ZNF740: variants seen among roughly 807,000 people sequenced by gnomAD.
ZNF740 encodes oriLyt TD-element-binding protein 7.
A neutral mutation model predicts 24.8 loss-of-function variants in ZNF740; 14 were observed. The observed-to-expected ratio is 0.56, with a 90% CI of 0.37 to 0.88. The LOEUF (loss-of-function observed/expected upper bound fraction) is 0.88. Ranked by LOEUF, ZNF740 falls within the 40% of genes least tolerant of loss-of-function variation. The pLI is 0.00. For synonymous variants in ZNF740, 69 were observed against 84.0 expected, an observed-to-expected ratio of 0.82 and a Z score of 0.98; for missense variants, 201 against 247.9, an observed-to-expected ratio of 0.81 and a Z score of 1.27.
At chr12:53,186,583 T>G in intron 6 of ZNF740, 74 bp downstream of exon 6, 1 of 1,255,484 alleles carries the variant, frequency 8.0e-7, no homozygotes, top group South Asian at 1.3e-5. Flanking sequence ...CCTCCACTCC[T>G]GCCTGACAAA....
At chr12:53,184,144 TGTGTGTGCGC>T (rs1268266381) in intron 2 of ZNF740, among the ~76,000 whole-genome samples, 6 of 105,144 alleles carry the variant, frequency 5.7e-5, no homozygotes, top group South Asian at 5.7e-4. Context: ...TGTGTGTGTG[TGTGTGTGCGC>T]GCGCGCGCTC....
intron 2 of ZNF740, among the ~76,000 whole-genome samples, chr12:53,184,150 T>TGTGTGTGTGTGTGTGTGTGTGTGC (rs59250662): frequency 2.9e-5 from 3 of 104,424 alleles, no homozygotes; most frequent in Non-Finnish European, 4.1e-5. Context: ...TGTGTGTGTG[T>TGTGTGTGTGTGTGTGTGTGTGTGC]GCGCGCGCGC....
Position 53,187,484 on chromosome 12 carries a change from C to G in ZNF740, c.493-17C>G. 1 of 1,611,904 alleles carries G rather than the reference C, an allele frequency of 6.2e-7. No individual in the cohort carries two copies. Among genetic ancestry groups the G allele is most frequent in the Non-Finnish European group, 8.5e-7 (1 of 1,178,200 alleles). On this transcript the variant is annotated splice_polypyrimidine_tract_variant and intron_variant, in intron 6 of 6. Coordinates refer to ENST00000416904, the MANE Select transcript of ZNF740 (RefSeq NM_001004304.4). ...GCGTTTGTCTGCTCAGGCACTTAAC[C>G]CTCCCTTTCTTCTCAGTGTTTTTCT...
chr12:53,193,288 C>T lies in ZNF740; in HGVS notation c.*5698C>T. ...GCCCTGTGCCATTGGGAGCCCGGCA[C>T]CCAGATTCCAGGTCTGGGGAGGACA... On this transcript the variant is annotated 3_prime_UTR_variant, in exon 7 of 7. Transcript: ENST00000416904. 3 of 1,613,008 alleles carry T rather than the reference C, an allele frequency of 1.9e-6. No homozygotes were observed. Among genetic ancestry groups the T allele is most frequent in the Non-Finnish European group, 2.5e-6 (3 of 1,179,170 alleles).
In ZNF740 at chr12:53,190,725, T is replaced by G. The variant is rs927099858; in HGVS notation, c.*3135T>G. On this transcript the variant is annotated 3_prime_UTR_variant, in exon 7 of 7. Coordinates refer to ENST00000416904, the MANE Select transcript of ZNF740 (RefSeq NM_001004304.4). ...TATTTTGCTATGGGGGAGGGGAATA[T>G]CAAATGGACAAGATCACTTTTAAAT... The G allele has an allele frequency of 4.0e-5, 6 of 151,856 alleles. No homozygotes were observed. Among genetic ancestry groups the G allele is most frequent in the African/African-American group, 1.5e-4 (6 of 41,326 alleles). 9.4% of individuals were successfully genotyped at this position (151,856 alleles called of 1,614,324 possible). A position where few individuals can be genotyped will look rare whatever the true frequency, so the allele number is the denominator to read the frequency against.
rs1467256237 is a variant in ZNF740 at position 53,191,426 on chromosome 12, T to C, written c.*3836T>C. On this transcript the variant is annotated 3_prime_UTR_variant, in exon 7 of 7. Transcript: ENST00000416904. ...CTTGGGTGTCACTCTGAAAATGAAG[T>C]AGGGTGGTGGCCGCACCTCGCCAGT... 4.0e-6 allele frequency: 3 copies of C among 747,226 alleles called. No individual in the cohort carries two copies. The Admixed American group carries it at 5.9e-5, about 15-fold the overall frequency. The allele number at this position is 747,226 out of a possible 1,614,324, so 46.3% of individuals were successfully genotyped here. A position where few individuals can be genotyped will look rare whatever the true frequency, so the allele number is the denominator to read the frequency against.
chr12:53,181,929 A>T lies in ZNF740; in HGVS notation c.-55A>T. On this transcript the variant is annotated 5_prime_UTR_variant, in exon 2 of 7. Transcript: ENST00000416904. Reference sequence around the variant, plus strand: ...TCTTCAAAACGACAGTGTCTCAAGGAAAGGTGGACCTAGGAACTCCTGAAC... The same window carrying T: ...TCTTCAAAACGACAGTGTCTCAAGGTAAGGTGGACCTAGGAACTCCTGAAC... The T allele has an allele frequency of 6.3e-7, 1 of 1,591,288 alleles. No individual in the cohort carries two copies. The highest frequency in any genetic ancestry group is 8.6e-7 in the Non-Finnish European group (1 of 1,168,074).
At chr12:53,185,892 G>A in intron 4 of ZNF740, 62 bp from the exon 5 acceptor site, 13 of 1,592,744 alleles carry the variant, frequency 8.2e-6, no homozygotes, top group Non-Finnish European at 1.1e-5. Flanking sequence ...ACCCAGAGTA[G>A]AACAGTGTCT....
In ZNF740 at chr12:53,191,812, T is replaced by C. The variant is rs1941957157; in HGVS notation, c.*4222T>C. The C allele has an allele frequency of 6.2e-7, 1 of 1,609,956 alleles. No homozygotes were observed. Among genetic ancestry groups the C allele is most frequent in the East Asian group, 2.2e-5 (1 of 44,836 alleles). On this transcript the variant is annotated 3_prime_UTR_variant, in exon 7 of 7. Coordinates refer to ENST00000416904, the MANE Select transcript of ZNF740 (RefSeq NM_001004304.4). ...GTGGGAGGAATCAGGGCTGGTCTTG[T>C]GGTGGGGGAACAGCTAAAAAGGGGC...
chr12:53,194,503 A>G lies in ZNF740; in HGVS notation c.*6913A>G, dbSNP rs1244755059. The G allele has an allele frequency of 2.5e-5, 16 of 642,954 alleles. No homozygotes were observed. In the East Asian group the frequency reaches 4.2e-4, roughly 17 times the overall value. The allele number at this position is 642,954 out of a possible 1,614,324, so 39.8% of individuals were successfully genotyped here. A position where few individuals can be genotyped will look rare whatever the true frequency, so the allele number is the denominator to read the frequency against. On this transcript the variant is annotated 3_prime_UTR_variant, in exon 7 of 7. Transcript: ENST00000416904. Reference sequence around the variant, plus strand: ...CAGTCGAGGCATTTCTGGAGGGAGGACCCGTGAGAACCTTGCATAGAACAT... The same window carrying G: ...CAGTCGAGGCATTTCTGGAGGGAGGGCCCGTGAGAACCTTGCATAGAACAT...
rs1941988974 is a variant in ZNF740 at position 53,192,428 on chromosome 12, C to T, written c.*4838C>T. ...GTCCAGGGTCCGCTCTTTGCACCAG[C>T]CATCATCCAAGATAGGGGCCAAGGC... is the stretch of plus-strand genomic sequence containing the variant. On this transcript the variant is annotated 3_prime_UTR_variant, in exon 7 of 7. Transcript: ENST00000416904. 3 of 1,614,156 alleles carry T rather than the reference C, an allele frequency of 1.9e-6. No homozygotes were observed. Among genetic ancestry groups the T allele is most frequent in the Non-Finnish European group, 2.5e-6 (3 of 1,180,038 alleles).
In ZNF740 at chr12:53,187,853, A is replaced by C. The variant is rs1287041154; in HGVS notation, c.*263A>C. The C allele has an allele frequency of 4.2e-6, 2 of 473,316 alleles. No homozygotes were observed. The highest frequency in any genetic ancestry group is 7.0e-5 in the Admixed American group (2 of 28,694). 29.3% of individuals were successfully genotyped at this position (473,316 alleles called of 1,614,324 possible). A position where few individuals can be genotyped will look rare whatever the true frequency, so the allele number is the denominator to read the frequency against. On this transcript the variant is annotated 3_prime_UTR_variant, in exon 7 of 7. Coordinates refer to ENST00000416904, the MANE Select transcript of ZNF740 (RefSeq NM_001004304.4). ...AGTCCCTGGACCCTTGGCTGAGGTCATAGGTGGGGACTCAAGGTACAGGAC... is the reference window on the plus strand; with the variant it reads ...AGTCCCTGGACCCTTGGCTGAGGTCCTAGGTGGGGACTCAAGGTACAGGAC...
Position 53,192,951 on chromosome 12 carries a change from A to G in ZNF740, c.*5361A>G, listed in dbSNP as rs753012045. 6 of 1,585,066 alleles carry G rather than the reference A, an allele frequency of 3.8e-6. No individual in the cohort carries two copies. The highest frequency in any genetic ancestry group is 1.1e-5 in the South Asian group (1 of 90,136). ...GCAGAGGGTGACAACCATACTCCACACACACAGTTGGCCATCATGTGGCAC... is the reference window on the plus strand; with the variant it reads ...GCAGAGGGTGACAACCATACTCCACGCACACAGTTGGCCATCATGTGGCAC... On this transcript the variant is annotated 3_prime_UTR_variant, in exon 7 of 7. Coordinates refer to ENST00000416904, the MANE Select transcript of ZNF740 (RefSeq NM_001004304.4).
chr12:53,194,122 C>T lies in ZNF740; in HGVS notation c.*6532C>T. 1.3e-6 allele frequency: 2 copies of T among 1,589,566 alleles called. No individual in the cohort carries two copies. The highest frequency in any genetic ancestry group is 3.3e-5 in the Admixed American group (2 of 59,712). On this transcript the variant is annotated 3_prime_UTR_variant, in exon 7 of 7. Transcript: ENST00000416904. ...CATGTCACTCCCTGTACCTGCCACC[C>T]ATCTTTTCCTGCCTGCTTAATTTCC...
intron 2 of ZNF740, among the ~76,000 whole-genome samples, chr12:53,184,392 T>C (rs1034655172): frequency 6.6e-6 from 1 of 152,134 alleles, no homozygotes. Flanking sequence ...TTTCACCTAT[T>C]GTCCAGGCTT....
chr12:53,195,070 A>C lies in ZNF740; in HGVS notation c.*7480A>C. ...TGAAGCAAGGCTTTTGGCAGGGTTA[A>C]ATGAAGTAGCAAACAGTATGTACAC... On this transcript the variant is annotated 3_prime_UTR_variant, in exon 7 of 7. Coordinates refer to ENST00000416904, the MANE Select transcript of ZNF740 (RefSeq NM_001004304.4). 1 of 344,334 alleles carries C rather than the reference A, an allele frequency of 2.9e-6. No homozygotes were observed. Among genetic ancestry groups the C allele is most frequent in the East Asian group, 5.2e-5 (1 of 19,172 alleles). The allele number at this position is 344,334 out of a possible 1,614,324, so 21.3% of individuals were successfully genotyped here. A position where few individuals can be genotyped will look rare whatever the true frequency, so the allele number is the denominator to read the frequency against.
intron 1 of ZNF740, 111 bp from the exon 2 acceptor site, chr12:53,181,566 C>T: frequency 1.1e-6 from 1 of 938,796 alleles, no homozygotes; most frequent in Non-Finnish European, 1.3e-6. Flanking sequence ...GACTCATGTC[C>T]TCGTTCTGAG....
At chr12:53,183,800 G>T (rs894447350) in intron 2 of ZNF740, among the ~76,000 whole-genome samples, 1 of 152,068 alleles carries the variant, frequency 6.6e-6, no homozygotes, top group Non-Finnish European at 1.5e-5. Flanking sequence ...GAGGCTGGAG[G>T]ATTGTTTAAG....
rs1183626001 is a variant in ZNF740 at position 53,191,723 on chromosome 12, T to A, written c.*4133T>A. ...CCTAAGAGGCCAGCCTTGAGCCGAA[T>A]CCTAGGAGCTGATGGAAGTTAGCAG... On this transcript the variant is annotated 3_prime_UTR_variant, in exon 7 of 7. Transcript: ENST00000416904. 6.6e-6 allele frequency: 10 copies of A among 1,524,120 alleles called. No individual in the cohort carries two copies. The African/African-American group carries it at 6.8e-5, about 10-fold the overall frequency. 94.4% of individuals were successfully genotyped at this position (1,524,120 alleles called of 1,614,324 possible).
Sources: gnomAD v4.1 joint callset for allele counts (sites outside exome capture counted in the v4.1 genomes callset) on GRCh38, gnomAD v4.1.1 for gene constraint, MANE v1.5 for transcripts, NCBI Gene and HGNC (gene_info 2026-07-23, HGNC 2026-07-21) for gene names.